CTTN: variants seen among roughly 807,000 people sequenced by gnomAD.
The protein encoded by CTTN is src substrate cortactin.
CTTN carries 28 observed loss-of-function variants against 84.0 expected under a neutral mutation model. The ratio of observed to expected loss-of-function variants is 0.33; its 90% CI spans 0.25 to 0.46. The LOEUF (loss-of-function observed/expected upper bound fraction) is 0.46, where lower values mean the gene tolerates loss of function less well. CTTN is among the 20% of genes least tolerant of loss of function. The probability of loss-of-function intolerance (pLI) is 1.00; values close to 1 mark genes in which losing one functional copy is unlikely to be tolerated. For missense variants in CTTN, 641 were observed against 723.8 expected, an observed-to-expected ratio of 0.89 and a Z score of 1.31; for synonymous variants, 301 against 288.8, an observed-to-expected ratio of 1.04 and a Z score of -0.43.
intron 1 of CTTN, among the ~76,000 whole-genome samples, chr11:70,398,995 G>C (rs2057943222): frequency 6.6e-6 from 1 of 150,930 alleles, no homozygotes; most frequent in Non-Finnish European, 1.5e-5. Flanking sequence ...AGGCTGGGAG[G>C]GGTCTTGGGT....
Position 70,435,992 on chromosome 11 carries a change from A to G in CTTN, c.*830A>G, listed in dbSNP as rs1591456106. On this transcript the variant is annotated 3_prime_UTR_variant, in exon 18 of 18. Coordinates refer to ENST00000301843, the MANE Select transcript of CTTN (RefSeq NM_005231.4). ...AAGGCTGATGTCTTAACTGTCACCC[A>G]TATGGTCCCTGGGCCACCGGGCAGC... is the stretch of plus-strand genomic sequence containing the variant. The G allele has an allele frequency of 7.0e-7, 1 of 1,429,446 alleles. No homozygotes were observed. The highest frequency in any genetic ancestry group is 1.4e-5 in the African/African-American group (1 of 69,682). The allele number at this position is 1,429,446 out of a possible 1,614,324, so 88.5% of individuals were successfully genotyped here. A position where few individuals can be genotyped will look rare whatever the true frequency, so the allele number is the denominator to read the frequency against.
rs1381725072 is a variant in CTTN, at chr11:70,414,532, C to A, written c.292-10C>A. 6 of 1,607,536 alleles carry A rather than the reference C, an allele frequency of 3.7e-6. No homozygotes were observed. The highest frequency in any genetic ancestry group is 5.1e-6 in the Non-Finnish European group (6 of 1,174,284). ...GGTGTCTAATGCTTTGTGTTTGAAC[C>A]CTGTTCCAGTCAGCTGTCGGCCACG... On this transcript the variant is annotated splice_polypyrimidine_tract_variant and intron_variant, in intron 5 of 17. Transcript: ENST00000301843.
intron 1 of CTTN, among the ~76,000 whole-genome samples, chr11:70,402,829 T>A (rs2058002390): frequency 6.6e-6 from 1 of 152,232 alleles, no homozygotes; most frequent in African/African-American, 2.4e-5. Flanking sequence ...TTTATTTCTC[T>A]TGGGCATAGA....
intron 15 of CTTN, among the ~76,000 whole-genome samples, chr11:70,431,492 C>G (rs921651578): frequency 2.0e-5 from 3 of 152,126 alleles, no homozygotes; most frequent in African/African-American, 7.2e-5. Context: ...TGCAGGCCCA[C>G]ATGCCATCCT....
intron 11 of CTTN, chr11:70,422,440 C>G (rs1591444556): frequency 1.7e-6 from 2 of 1,145,592 alleles, no homozygotes; most frequent in East Asian, 1.2e-4. Flanking sequence ...TCATGTGGAT[C>G]TGTGTTGCTG....
chr11:70,414,792 C>T (rs1247343246), intron 6 of CTTN, 140 bp downstream of exon 6: 1 of 625,144 alleles, frequency 1.6e-6, no homozygotes. Context: ...CATCTGCCTC[C>T]CAGGATGCTC....
At chr11:70,419,239 T>C (rs968768187) in intron 8 of CTTN, among the ~76,000 whole-genome samples, 2 of 151,610 alleles carry the variant, frequency 1.3e-5, no homozygotes, top group African/African-American at 4.9e-5. Context: ...GCCTCCCGAG[T>C]AGCTGGGATT....
chr11:70,433,079 T>C (rs2058372732), intron 15 of CTTN, 22 bp from the exon 16 acceptor site: 2 of 1,609,556 alleles, frequency 1.2e-6, no homozygotes, highest in Non-Finnish European at 1.7e-6. Context: ...CCCCGTGCCA[T>C]GTGCGTGTGA....
intron 8 of CTTN, 98 bp from the exon 9 acceptor site, chr11:70,419,648 C>A: frequency 1.1e-6 from 1 of 915,352 alleles, no homozygotes; most frequent in South Asian, 1.5e-5. Context: ...TACAGTGGAC[C>A]TGAAAGATTT....
chr11:70,418,738 A>C (rs1448532630), intron 8 of CTTN, among the ~76,000 whole-genome samples: 1 of 151,778 alleles, frequency 6.6e-6, no homozygotes, highest in Non-Finnish European at 1.5e-5. Context: ...TTCTGGATGC[A>C]ATGGATGATG....
intron 1 of CTTN, among the ~76,000 whole-genome samples, chr11:70,402,668 C>G (rs1328844094): frequency 6.6e-6 from 1 of 152,198 alleles, no homozygotes; most frequent in Non-Finnish European, 1.5e-5. Context: ...ACTGCTGGAT[C>G]CTCTTTGTGG....
intron 14 of CTTN, among the ~76,000 whole-genome samples, chr11:70,429,957 A>T (rs796166625): frequency 2.0e-5 from 3 of 151,476 alleles, no homozygotes; most frequent in Admixed American, 2.0e-4. Context: ...TCTCCTATCC[A>T]CCCCAGGCCC....
chr11:70,419,677 G>A (rs1431301834), intron 8 of CTTN, 69 bp from the exon 9 acceptor site: 3 of 1,342,188 alleles, frequency 2.2e-6, no homozygotes, highest in Non-Finnish European at 3.1e-6. Context: ...TTAATCAAAG[G>A]ATAAAATACT....
intron 10 of CTTN, 120 bp downstream of exon 10, chr11:70,420,630 T>C: frequency 1.3e-6 from 1 of 755,018 alleles, no homozygotes. Flanking sequence ...TCTTCACTGT[T>C]TGAAGTTGTC....
At chr11:70,404,790 G>A (rs1001105868) in intron 1 of CTTN, among the ~76,000 whole-genome samples, 4 of 152,124 alleles carry the variant, frequency 2.6e-5, no homozygotes, top group African/African-American at 9.7e-5. Flanking sequence ...ATCACCTGAG[G>A]TCGGGAGTTT....
At position 70,431,415 on chromosome 11, in the gene CTTN, G is replaced by A. The variant is rs148499335; in HGVS notation, c.1266+135G>A. On this transcript the variant is annotated intron_variant, in intron 15 of 17. Coordinates refer to ENST00000301843, the MANE Select transcript of CTTN (RefSeq NM_005231.4). ...GAGGGCATCGCTGCATTCCACGCCC[G>A]GAGAGGGGTGGGCCAGGAGCGCCTG... is the stretch of plus-strand genomic sequence containing the variant. The A allele has an allele frequency of 3.7e-4, 342 of 916,380 alleles. 2 individuals carry two copies. In the African/African-American group the frequency reaches 4.4e-3, roughly 12 times the overall value. 56.8% of individuals were successfully genotyped at this position (916,380 alleles called of 1,614,324 possible). A position where few individuals can be genotyped will look rare whatever the true frequency, so the allele number is the denominator to read the frequency against.
At chr11:70,418,009 G>T (rs1197628014) in intron 8 of CTTN, among the ~76,000 whole-genome samples, 1 of 152,174 alleles carries the variant, frequency 6.6e-6, no homozygotes. Flanking sequence ...TCCCAGGGCT[G>T]CAGAGGCTGT....
At chr11:70,414,096 A>G (rs927327329) in intron 5 of CTTN, among the ~76,000 whole-genome samples, 6 of 151,844 alleles carry the variant, frequency 4.0e-5, no homozygotes, top group African/African-American at 1.2e-4. Flanking sequence ...CTGTAATCCC[A>G]GCACTTTGGG....
intron 14 of CTTN, among the ~76,000 whole-genome samples, chr11:70,430,274 C>A (rs555498113): frequency 3.9e-5 from 6 of 152,344 alleles, no homozygotes; most frequent in South Asian, 4.1e-4. Flanking sequence ...GCCACCTCAC[C>A]CTCAGACTCA....
Sources: gnomAD v4.1 joint callset for allele counts (sites outside exome capture counted in the v4.1 genomes callset) on GRCh38, gnomAD v4.1.1 for gene constraint, MANE v1.5 for transcripts, NCBI Gene and HGNC (gene_info 2026-07-23, HGNC 2026-07-21) for gene names.